GNB5: variants seen among roughly 807,000 people sequenced by gnomAD.
GNB5 encodes guanine nucleotide-binding protein subunit beta-5.
GNB5 carries 37 observed loss-of-function variants against 55.3 expected under a neutral mutation model. That is an observed-to-expected ratio of 0.67 (90% CI 0.51 to 0.88). The LOEUF (loss-of-function observed/expected upper bound fraction) is 0.88. Among genes scored for constraint, GNB5 ranks in the 40% least tolerant of loss-of-function variants. The probability of loss-of-function intolerance (pLI) is 0.00; values close to 1 mark genes in which losing one functional copy is unlikely to be tolerated. For synonymous variants in GNB5, 219 were observed against 198.5 expected, an observed-to-expected ratio of 1.10 and a Z score of -0.87; for missense variants, 476 against 515.3, an observed-to-expected ratio of 0.92 and a Z score of 0.74.
intron 4 of GNB5, among the ~76,000 whole-genome samples, chr15:52,150,396 T>G (rs1450843208): frequency 1.3e-5 from 2 of 152,202 alleles, no homozygotes; most frequent in Non-Finnish European, 2.9e-5. Context: ...CCATGGTCCC[T>G]GCGGCACCAT....
At chr15:52,124,005 C>CAAAAAA (rs56008657) in intron 12 of GNB5, among the ~76,000 whole-genome samples, 3 of 84,402 alleles carry the variant, frequency 3.6e-5, no homozygotes, top group Non-Finnish European at 4.8e-5. Context: ...ATAGAAAAAC[C>CAAAAAA]AAAAAAAAAA....
rs926291824 is a variant in GNB5 at position 52,121,117 on chromosome 15, C to T, written c.*1640G>A. 6.6e-6 allele frequency: 1 copy of T among 152,202 alleles called. No homozygotes were observed. Among genetic ancestry groups the T allele is most frequent in the Non-Finnish European group, 1.5e-5 (1 of 68,044 alleles). The allele number at this position is 152,202 out of a possible 1,614,324, so 9.4% of individuals were successfully genotyped here. A position where few individuals can be genotyped will look rare whatever the true frequency, so the allele number is the denominator to read the frequency against. On this transcript the variant is annotated 3_prime_UTR_variant, in exon 13 of 13. Coordinates refer to ENST00000261837, the MANE Select transcript of GNB5 (RefSeq NM_016194.4). ...CTTATGGCTGTGCCCAGCTCCAGCTCTGGAAGAGTCTCTCTGAGGAGCAGG... is the reference window on the plus strand; with the variant it reads ...CTTATGGCTGTGCCCAGCTCCAGCTTTGGAAGAGTCTCTCTGAGGAGCAGG...
At chr15:52,150,017 G>C in intron 4 of GNB5, 92 bp from the exon 5 acceptor site, 1 of 932,326 alleles carries the variant, frequency 1.1e-6, no homozygotes, top group Non-Finnish European at 1.8e-6. Context: ...CAGCAGGGCA[G>C]TGTGAAGTAG....
At chr15:52,127,680 T>G (rs2033463095) in intron 10 of GNB5, among the ~76,000 whole-genome samples, 1 of 152,164 alleles carries the variant, frequency 6.6e-6, no homozygotes, top group African/African-American at 2.4e-5. Context: ...AAATATTTTT[T>G]TCTCTTGAAA....
At chr15:52,145,081 A>G (rs8034097) in intron 6 of GNB5, among the ~76,000 whole-genome samples, 20,782 of 152,142 alleles carry the variant, frequency 0.14, 1,736 homozygotes, top group Admixed American at 0.24. Context: ...ATCTGAAGCA[A>G]GGGGCAGTCT....
intron 1 of GNB5, among the ~76,000 whole-genome samples, chr15:52,187,125 T>A (rs1445605876): frequency 6.6e-6 from 1 of 152,138 alleles, no homozygotes; most frequent in Non-Finnish European, 1.5e-5. Flanking sequence ...TCAAGCTGCA[T>A]GGTTTTGTCA....
chr15:52,131,396 CTTTAAT>C (rs1373046017), intron 9 of GNB5, among the ~76,000 whole-genome samples: 2 of 152,100 alleles, frequency 1.3e-5, no homozygotes, highest in Non-Finnish European at 2.9e-5. Context: ...TACTATACCA[CTTTAAT>C]TTTATTATTT....
At chr15:52,141,437 T>C (rs943037093) in intron 6 of GNB5, among the ~76,000 whole-genome samples, 165 bp from the exon 7 acceptor site, 6 of 151,960 alleles carry the variant, frequency 3.9e-5, no homozygotes, top group African/African-American at 7.2e-5. Context: ...TTCTTTCTTT[T>C]TTTTTTTTTA....
At chr15:52,178,333 C>A (rs1027167818) in intron 3 of GNB5, among the ~76,000 whole-genome samples, 1 of 152,198 alleles carries the variant, frequency 6.6e-6, no homozygotes, top group East Asian at 1.9e-4. Context: ...TGGTCTCAAA[C>A]TGGGAGAAGG....
chr15:52,181,356 C>T (rs1197030496), intron 2 of GNB5, among the ~76,000 whole-genome samples: 1 of 152,140 alleles, frequency 6.6e-6, no homozygotes, highest in African/African-American at 2.4e-5. Flanking sequence ...TGGTTCACAC[C>T]TGTAATCCCA....
chr15:52,169,538 C>CAAAAAAAAAAAAA (rs60470864), intron 3 of GNB5, among the ~76,000 whole-genome samples: 26 of 71,472 alleles, frequency 3.6e-4, no homozygotes, highest in Non-Finnish European at 4.7e-4. Context: ...GACTCTGTCT[C>CAAAAAAAAAAAAA]AAAAAAAAAA....
At chr15:52,154,269 G>T (rs1231229809) in intron 3 of GNB5, among the ~76,000 whole-genome samples, 193 bp from the exon 4 acceptor site, 2 of 152,206 alleles carry the variant, frequency 1.3e-5, no homozygotes, top group African/African-American at 4.8e-5. Context: ...TCAGTAGAGG[G>T]TAGAGACAAT....
intron 7 of GNB5, 146 bp from the exon 8 acceptor site, chr15:52,135,902 G>A: frequency 2.0e-6 from 1 of 511,940 alleles, no homozygotes; most frequent in East Asian, 3.7e-5. Flanking sequence ...CACCCTACCT[G>A]CTGTATCTGG....
chr15:52,136,217 A>G (rs970423596), intron 7 of GNB5, among the ~76,000 whole-genome samples: 7 of 149,214 alleles, frequency 4.7e-5, no homozygotes, highest in East Asian at 4.0e-4. Flanking sequence ...TCTCTCTTCT[A>G]TACAAAGAAG....
At chr15:52,180,828 G>A (rs2034757038) in intron 2 of GNB5, 1 of 152,296 alleles carries the variant, frequency 6.6e-6, no homozygotes, top group South Asian at 2.1e-4. Flanking sequence ...ATCCTCACAG[G>A]AGTCAACTTG....
rs2033126762 is a variant in GNB5, at chr15:52,115,309, G to T, written c.*7448C>A. 1 of 152,148 alleles carries T rather than the reference G, an allele frequency of 6.6e-6. No individual in the cohort carries two copies. Among genetic ancestry groups the T allele is most frequent in the Non-Finnish European group, 1.5e-5 (1 of 68,038 alleles). The allele number at this position is 152,148 out of a possible 1,614,324, so 9.4% of individuals were successfully genotyped here. A position where few individuals can be genotyped will look rare whatever the true frequency, so the allele number is the denominator to read the frequency against. ...AATTAACCTCAACATAGAATTTCCA[G>T]TCCACACAATATGAGGCAGTTTGTA... On this transcript the variant is annotated 3_prime_UTR_variant, in exon 13 of 13. Coordinates refer to ENST00000261837, the MANE Select transcript of GNB5 (RefSeq NM_016194.4).
chr15:52,184,637 A>G lies in GNB5; in HGVS notation c.40T>C (p.Cys14Arg), dbSNP rs199855681. 7 of 1,613,612 alleles carry G rather than the reference A, an allele frequency of 4.3e-6. No individual in the cohort carries two copies. The Admixed American group carries it at 6.7e-5, about 15-fold the overall frequency. Residue 14 changes from cysteine to arginine, a missense_variant, in exon 2 of 13, where the codon TGT becomes CGT. By Grantham distance (180) the Cys-to-Arg change is radical. Coordinates refer to ENST00000261837, the MANE Select transcript of GNB5 (RefSeq NM_016194.4). The part of the protein sequence containing the change: ...QTFLVNVFGS[C>R]DKCFKQRALR... ...GCTCGTTGTTTGAAACATTTGTCAC[A>G]TGAGCCAAATACATTAACGAGAAAG... is the stretch of plus-strand genomic sequence containing the variant.
chr15:52,155,792 T>A (rs561387071), intron 3 of GNB5, among the ~76,000 whole-genome samples: 19 of 152,314 alleles, frequency 1.2e-4, no homozygotes, highest in African/African-American at 4.3e-4. Flanking sequence ...CCTGGGCACA[T>A]GAGTCCCACT....
intron 6 of GNB5, chr15:52,144,551 C>T (rs1457409053): frequency 1.3e-5 from 2 of 152,168 alleles, no homozygotes; most frequent in East Asian, 3.8e-4. Flanking sequence ...GATCTCTGGG[C>T]CCCTGGAATG....
Sources: gnomAD v4.1 joint callset for allele counts (sites outside exome capture counted in the v4.1 genomes callset) on GRCh38, gnomAD v4.1.1 for gene constraint, MANE v1.5 for transcripts, NCBI Gene and HGNC (gene_info 2026-07-23, HGNC 2026-07-21) for gene names.